The following RASGRF2 variants were observed in gnomAD, a reference collection of about 807,000 sequenced individuals.
RASGRF2 encodes ras-specific guanine nucleotide-releasing factor 2.
Under a neutral mutation model 151.0 loss-of-function variants are expected in RASGRF2, and 76 were observed. That is an observed-to-expected ratio of 0.50 (90% confidence interval 0.42 to 0.61). The LOEUF is 0.61. Ranked by LOEUF, RASGRF2 falls within the 20% of genes least tolerant of loss-of-function variation. The pLI is 0.00. For missense variants in RASGRF2, 1,148 were observed against 1,564.6 expected (o/e 0.73, Z 4.49); for synonymous variants, 504 against 566.5 (o/e 0.89, Z 1.57).
chr5:81,174,695 C>T (rs1754733741), intron 17 of RASGRF2, among the ~76,000 whole-genome samples: 1 of 152,138 alleles, frequency 6.6e-6, no homozygotes, highest in African/African-American at 2.4e-5. Flanking sequence ...TTTTTTATTG[C>T]AATCCACACT....
chr5:81,081,451 G>A (rs150151985), intron 7 of RASGRF2, among the ~76,000 whole-genome samples: 11 of 152,298 alleles, frequency 7.2e-5, no homozygotes, highest in African/African-American at 2.4e-4. Context: ...CCTGGATCTA[G>A]GACTTTACCG....
chr5:81,209,056 G>C (rs1245322883), intron 22 of RASGRF2, among the ~76,000 whole-genome samples: 1 of 152,168 alleles, frequency 6.6e-6, no homozygotes, highest in Non-Finnish European at 1.5e-5. Context: ...GACTAACAGA[G>C]TGAGCAGTAC....
intron 17 of RASGRF2, among the ~76,000 whole-genome samples, chr5:81,127,923 C>CAAAAAA (rs60196392): frequency 1.6e-3 from 105 of 64,746 alleles, no homozygotes; most frequent in Middle Eastern, 0.015. Context: ...GACTCCGTCT[C>CAAAAAA]AAAAAAAAAA....
chr5:81,219,072 GTTC>G (rs1337440226), intron 25 of RASGRF2, among the ~76,000 whole-genome samples: 13 of 148,832 alleles, frequency 8.7e-5, no homozygotes, highest in Non-Finnish European at 1.5e-4. Flanking sequence ...AAACAGCCAG[GTTC>G]TTTTTTTTTT....
At chr5:81,164,785 G>A (rs1161925832) in intron 17 of RASGRF2, among the ~76,000 whole-genome samples, 1 of 152,206 alleles carries the variant, frequency 6.6e-6, no homozygotes, top group Non-Finnish European at 1.5e-5. Flanking sequence ...ATGGATTGTA[G>A]AGGGAGGAAT....
intron 1 of RASGRF2, among the ~76,000 whole-genome samples, chr5:80,979,565 TTTCCCTAAAATC>T (rs1748233194): frequency 1.3e-5 from 2 of 152,234 alleles, no homozygotes; most frequent in Admixed American, 1.3e-4. Flanking sequence ...GTACTAATTA[TTTCCCTAAAATC>T]TTCACTAACT....
chr5:81,026,642 C>T (rs73766167), intron 1 of RASGRF2, among the ~76,000 whole-genome samples: 2,478 of 152,198 alleles, frequency 0.016, 81 homozygotes, highest in African/African-American at 0.056. Flanking sequence ...CCTGCAATTC[C>T]AGTCAACTTC....
At chr5:81,216,732 G>T (rs1335345797) in intron 24 of RASGRF2, among the ~76,000 whole-genome samples, 1 of 152,164 alleles carries the variant, frequency 6.6e-6, no homozygotes, top group East Asian at 1.9e-4. Context: ...AATTGGTCAA[G>T]CTGGGATTTG....
intron 2 of RASGRF2, among the ~76,000 whole-genome samples, chr5:81,049,161 T>TAAAAA (rs3991140): frequency 1.7e-5 from 2 of 116,846 alleles, no homozygotes; most frequent in African/African-American, 6.5e-5. Context: ...GCAAGTTCCC[T>TAAAAA]AAAAAAAAAA....
intron 2 of RASGRF2, among the ~76,000 whole-genome samples, chr5:81,060,448 C>T (rs1049511832): frequency 1.2e-4 from 10 of 80,310 alleles, no homozygotes; most frequent in African/African-American, 2.7e-4. Flanking sequence ...ATTGTAACCT[C>T]TGCCCCCCTA....
intron 12 of RASGRF2, among the ~76,000 whole-genome samples, chr5:81,105,363 C>T (rs1023218361): frequency 1.8e-4 from 27 of 152,228 alleles, no homozygotes; most frequent in African/African-American, 6.0e-4. Context: ...GACAGAGATG[C>T]TTCTTTATGA....
chr5:81,060,553 A>G (rs1002373266), intron 2 of RASGRF2, among the ~76,000 whole-genome samples: 1 of 151,994 alleles, frequency 6.6e-6, no homozygotes, highest in Non-Finnish European at 1.5e-5. Context: ...TTCTCTCTCT[A>G]CTACTGTATA....
At chr5:81,146,704 C>A (rs1488000867) in intron 17 of RASGRF2, among the ~76,000 whole-genome samples, 1 of 152,128 alleles carries the variant, frequency 6.6e-6, no homozygotes, top group Non-Finnish European at 1.5e-5. Flanking sequence ...CCACCACTGA[C>A]CTCGCTACCC....
At chr5:81,167,240 C>T (rs1185597570) in intron 17 of RASGRF2, among the ~76,000 whole-genome samples, 2 of 152,188 alleles carry the variant, frequency 1.3e-5, no homozygotes, top group East Asian at 1.9e-4. Flanking sequence ...GTTAGAAGAA[C>T]TCACTGTAAT....
At chr5:81,159,857 G>C (rs183644936) in intron 17 of RASGRF2, among the ~76,000 whole-genome samples, 103 of 152,324 alleles carry the variant, frequency 6.8e-4, no homozygotes, top group African/African-American at 2.3e-3. Context: ...TAGTGTCCAT[G>C]CTAACGGCAG....
At chr5:80,963,624 A>T (rs1404322755) in intron 1 of RASGRF2, among the ~76,000 whole-genome samples, 1 of 152,206 alleles carries the variant, frequency 6.6e-6, no homozygotes, top group Non-Finnish European at 1.5e-5. Context: ...AGAGATTACC[A>T]GTGTTTGTAA....
At position 80,961,614 on chromosome 5, in the gene RASGRF2, T is replaced by C. The variant is rs1747560706; in HGVS notation, c.288+588T>C. ...GACCTGCTGGGTGTAATTATGAAGG[T>C]AAATGTGTATTCATATTCCTCAGGA... On this transcript the variant is annotated intron_variant, in intron 1 of 26. Transcript: ENST00000265080. Among the ~76,000 whole-genome samples the C allele has an allele frequency of 2.0e-5, 3 of 152,214 alleles. No homozygotes were observed. In the South Asian group the frequency reaches 6.2e-4, roughly 32 times the overall value.
rs780293239 is a variant in RASGRF2, at chr5:81,212,555, T to C, written c.3346T>C (p.Ser1116Pro). The C allele has an allele frequency of 3.1e-6, 5 of 1,609,994 alleles. No homozygotes were observed. The highest frequency in any genetic ancestry group is 1.7e-4 in the Middle Eastern group (1 of 6,046). ...GCTGAAGAAAACCTGGGCCAAGGTC[T>C]CTAAGCAGGTGAGCCTCAGCGTGTG... ...YRLKKTWAKV[S>P]KQTKALMDKL... The change falls in exon 23 of 27, where the codon TCT (serine) becomes CCT (proline). Residue 1116 changes from serine (S) to proline (P), a missense_variant. This residue lies in a region of RASGRF2 where 100 missense variants were observed against 148.2 expected (regional missense o/e 0.67). Coordinates refer to ENST00000265080, the MANE Select transcript of RASGRF2 (RefSeq NM_006909.3).
intron 22 of RASGRF2, among the ~76,000 whole-genome samples, chr5:81,209,278 G>A (rs879690790): frequency 1.1e-4 from 17 of 151,942 alleles, no homozygotes; most frequent in Non-Finnish European, 1.2e-4. Context: ...ATTGGGAGAT[G>A]CTTTTATACC....
Sources: gnomAD v4.1 joint callset for allele counts (sites outside exome capture counted in the v4.1 genomes callset) on GRCh38, gnomAD v4.1.1 for gene constraint, gnomAD v4.1.1 regional missense constraint, MANE v1.5 for transcripts, NCBI Gene and HGNC (gene_info 2026-07-23, HGNC 2026-07-21) for gene names.